The following ONECUT2 variants were observed in gnomAD, a reference collection of about 807,000 sequenced individuals.
ONECUT2 encodes one cut domain family member 2.
Under a neutral mutation model 27.9 loss-of-function variants are expected in ONECUT2, and 10 were observed. That is an observed-to-expected ratio of 0.36 (90% CI 0.22 to 0.61). The LOEUF (loss-of-function observed/expected upper bound fraction) is 0.61. Ranked by LOEUF, ONECUT2 falls within the 20% of genes least tolerant of loss-of-function variation. The probability of loss-of-function intolerance (pLI) is 0.73; values close to 1 mark genes in which losing one functional copy is unlikely to be tolerated. For synonymous variants in ONECUT2, 334 were observed against 315.1 expected, an observed-to-expected ratio of 1.06 and a Z score of -0.64; for missense variants, 686 against 721.0, an observed-to-expected ratio of 0.95 and a Z score of 0.56.
intron 1 of ONECUT2, among the ~76,000 whole-genome samples, chr18:57,463,695 C>G (rs2050305096): frequency 6.6e-6 from 1 of 152,088 alleles, no homozygotes; most frequent in Non-Finnish European, 1.5e-5. Flanking sequence ...ATTGCTAGAT[C>G]TATTCTATGT....
intron 1 of ONECUT2, among the ~76,000 whole-genome samples, chr18:57,465,039 A>G (rs2050313009): frequency 6.6e-6 from 1 of 152,206 alleles, no homozygotes; most frequent in Non-Finnish European, 1.5e-5. Context: ...CCTGAACCAC[A>G]TAAAATTCTA....
rs1308063633 is a variant in ONECUT2, at chr18:57,476,762, G to A, written c.*39G>A. 1.3e-6 allele frequency: 2 copies of A among 1,597,604 alleles called. No individual in the cohort carries two copies. The highest frequency in any genetic ancestry group is 1.1e-5 in the South Asian group (1 of 89,572). ...ACTTGGGCACAAGTCACCTCCAAAT[G>A]AGGACAACAGATACCAAAAGAAAAC... On this transcript the variant is annotated 3_prime_UTR_variant, in exon 2 of 2. Coordinates refer to ENST00000491143, the MANE Select transcript of ONECUT2 (RefSeq NM_004852.3).
At chr18:57,474,058 T>C (rs1266074437) in intron 1 of ONECUT2, among the ~76,000 whole-genome samples, 1 of 152,172 alleles carries the variant, frequency 6.6e-6, no homozygotes, top group Non-Finnish European at 1.5e-5. Context: ...AACAAATTGT[T>C]TTTATGTGGA....
intron 1 of ONECUT2, among the ~76,000 whole-genome samples, chr18:57,451,001 G>A (rs142861087): frequency 1.3e-5 from 2 of 152,228 alleles, no homozygotes; most frequent in East Asian, 3.9e-4. Flanking sequence ...GATTTGAATG[G>A]ATACATCCTC....
At chr18:57,469,161 C>G (rs2050340046) in intron 1 of ONECUT2, among the ~76,000 whole-genome samples, 1 of 152,198 alleles carries the variant, frequency 6.6e-6, no homozygotes, top group African/African-American at 2.4e-5. Context: ...CCTATGTCCT[C>G]CCGGGAGAGT....
chr18:57,458,018 T>G (rs573680462), intron 1 of ONECUT2, among the ~76,000 whole-genome samples: 104 of 152,200 alleles, frequency 6.8e-4, no homozygotes, highest in Non-Finnish European at 1.2e-3. Context: ...AAATACCTAA[T>G]GTAAAAGACG....
At chr18:57,463,913 C>T (rs71355616) in intron 1 of ONECUT2, among the ~76,000 whole-genome samples, 2,569 of 152,002 alleles carry the variant, frequency 0.017, 34 homozygotes, top group Middle Eastern at 0.051. Flanking sequence ...CATCTTGAAA[C>T]TGGCCACCTT....
intron 1 of ONECUT2, among the ~76,000 whole-genome samples, chr18:57,451,926 G>A (rs2050232403): frequency 6.6e-6 from 1 of 152,154 alleles, no homozygotes; most frequent in Non-Finnish European, 1.5e-5. Context: ...GCACAGAAAA[G>A]GCAAGCATGA....
Position 57,436,086 on chromosome 18 carries a change from T to G in ONECUT2, c.370T>G (p.Ser124Ala). 6.3e-7 allele frequency: 1 copy of G among 1,599,100 alleles called. No individual in the cohort carries two copies. The highest frequency in any genetic ancestry group is 8.5e-7 in the Non-Finnish European group (1 of 1,179,394). The change falls in exon 1 of 2, where the codon TCC becomes GCC. Residue 124 changes from serine to alanine, a missense_variant. This residue lies in a region of ONECUT2 where 511 missense variants were observed against 488.1 expected (regional missense o/e 1.05). Transcript: ENST00000491143. This position sits in a 1 kb window ranked among gnomAD's most constrained non-coding sequence, Gnocchi z 5.9. ...LDGGDYRPEL[S>A]IPLHHAMSMS... Reference sequence around the variant, plus strand: ...CGGCGGCGACTACCGGCCCGAGCTCTCCATCCCGCTGCACCACGCCATGAG... The same window carrying G: ...CGGCGGCGACTACCGGCCCGAGCTCGCCATCCCGCTGCACCACGCCATGAG...
intron 1 of ONECUT2, among the ~76,000 whole-genome samples, chr18:57,460,025 C>T (rs112816866): frequency 0.011 from 1,636 of 152,228 alleles, 18 homozygotes; most frequent in Non-Finnish European, 0.015. Context: ...TGGGCTCAAG[C>T]GATCCTCCTA....
Position 57,488,545 on chromosome 18 carries a change from T to C in ONECUT2, c.*11822T>C, listed in dbSNP as rs1331884955. 6.6e-6 allele frequency: 1 copy of C among 152,632 alleles called. No homozygotes were observed. The highest frequency in any genetic ancestry group is 1.5e-5 in the Non-Finnish European group (1 of 68,044). 9.5% of individuals were successfully genotyped at this position (152,632 alleles called of 1,614,324 possible). The stretch of plus-strand genomic sequence containing the variant: ...GACTTGTCTTATGAAACCCAAGGTA[T>C]ATTTTGTTATGCCATTTTATGTCCT... On this transcript the variant is annotated 3_prime_UTR_variant, in exon 2 of 2. Transcript: ENST00000491143.
At chr18:57,449,258 A>G (rs988444037) in intron 1 of ONECUT2, among the ~76,000 whole-genome samples, 3 of 152,254 alleles carry the variant, frequency 2.0e-5, no homozygotes, top group South Asian at 4.1e-4. Flanking sequence ...GTGTCAGCCC[A>G]TTAGATTAAG....
rs1412741072 is a variant in ONECUT2 at position 57,485,496 on chromosome 18, A to G, written c.*8773A>G. On this transcript the variant is annotated 3_prime_UTR_variant, in exon 2 of 2. Transcript: ENST00000491143. ...TTCAAGTTTCTTTAGATTCCATTAAATGATTAAATCACTATTAAGAGCCAT... is the reference window on the plus strand; with the variant it reads ...TTCAAGTTTCTTTAGATTCCATTAAGTGATTAAATCACTATTAAGAGCCAT... The G allele has an allele frequency of 2.0e-5, 3 of 152,230 alleles. No homozygotes were observed. Among genetic ancestry groups the G allele is most frequent in the Non-Finnish European group, 4.4e-5 (3 of 68,048 alleles). 9.4% of individuals were successfully genotyped at this position (152,230 alleles called of 1,614,324 possible). A position where few individuals can be genotyped will look rare whatever the true frequency, so the allele number is the denominator to read the frequency against.
chr18:57,439,246 C>T (rs1030507207), intron 1 of ONECUT2, among the ~76,000 whole-genome samples: 1 of 152,200 alleles, frequency 6.6e-6, no homozygotes, highest in African/African-American at 2.4e-5. Context: ...CCCACCCGCG[C>T]CCATGGTGCA....
intron 1 of ONECUT2, among the ~76,000 whole-genome samples, chr18:57,441,485 G>A (rs1386779995): frequency 6.6e-6 from 1 of 152,112 alleles, no homozygotes; most frequent in African/African-American, 2.4e-5. Flanking sequence ...TCCTCCTCTC[G>A]CGGGGCTCTC....
At chr18:57,463,755 T>C (rs893332244) in intron 1 of ONECUT2, among the ~76,000 whole-genome samples, 6 of 152,212 alleles carry the variant, frequency 3.9e-5, no homozygotes, top group African/African-American at 1.2e-4. Flanking sequence ...TTTCATTTAC[T>C]GTTTGATGTG....
At chr18:57,472,997 C>G (rs1410484240) in intron 1 of ONECUT2, among the ~76,000 whole-genome samples, 1 of 152,184 alleles carries the variant, frequency 6.6e-6, no homozygotes, top group Non-Finnish European at 1.5e-5. Context: ...GGCTTGACAC[C>G]AGTTGTCCCA....
intron 1 of ONECUT2, among the ~76,000 whole-genome samples, chr18:57,453,064 A>C (rs565117622): frequency 6.6e-6 from 1 of 152,292 alleles, no homozygotes; most frequent in East Asian, 1.9e-4. Context: ...AATACTTGAC[A>C]GTTTTGTCTT....
intron 1 of ONECUT2, among the ~76,000 whole-genome samples, chr18:57,462,139 A>G (rs1372061618): frequency 1.3e-5 from 2 of 152,206 alleles, no homozygotes; most frequent in Admixed American, 6.5e-5. Context: ...AATGTTGTCT[A>G]ATTTGCAATT....
Sources: allele counts gnomAD v4.1 joint callset (sites outside exome capture counted in the v4.1 genomes callset), GRCh38; gene constraint gnomAD v4.1.1; regional missense constraint gnomAD v4.1.1; non-coding constraint Gnocchi (gnomAD v3.1); transcripts MANE v1.5; gene names NCBI Gene and HGNC (gene_info 2026-07-23, HGNC 2026-07-21).